The following NPAS3 variants were observed in gnomAD, a reference collection of about 807,000 sequenced individuals.
NPAS3 encodes the protein neuronal PAS domain protein 3, also known as neuronal PAS domain-containing protein 3.
In NPAS3, 14 loss-of-function variants were observed where a neutral mutation model predicts 73.1. The observed-to-expected ratio is 0.19, with a 90% CI of 0.13 to 0.30. The LOEUF (loss-of-function observed/expected upper bound fraction) is 0.30, where lower values mean the gene tolerates loss of function less well. Among genes scored for constraint, NPAS3 ranks in the 10% least tolerant of loss-of-function variants. NPAS3 has a pLI of 1.00. For synonymous variants in NPAS3, 620 were observed against 541.5 expected (o/e 1.14, Z -2.01); for missense variants, 1,096 against 1,250.0 (o/e 0.88, Z 1.86).
chr14:33,103,264 C>T (rs898371100), intron 2 of NPAS3, among the ~76,000 whole-genome samples: 1 of 152,144 alleles, frequency 6.6e-6, no homozygotes, highest in East Asian at 1.9e-4. Flanking sequence ...CTTCTACTTT[C>T]CCAAGAGCTT....
rs1222862652 is a variant in NPAS3 at position 33,784,737 on chromosome 14, A to ATTT, written c.1153+6166_1153+6168dup. ...TATTGTTATTTTTATTTATTTATTT[A>ATTT]TTTATTTATTTTTTTTTTTTTTTTT... On this transcript the variant is annotated intron_variant, in intron 9 of 11. Coordinates refer to ENST00000356141, the Ensembl canonical transcript of NPAS3. Among the ~76,000 whole-genome samples the ATTT allele has an allele frequency of 4.5e-3, 356 of 79,888 alleles. 20 individuals carry two copies. The highest frequency in any genetic ancestry group is 5.8e-3 in the African/African-American group (87 of 15,098). The allele number at this position is 79,888 out of a possible 152,430, so 52.4% of individuals were successfully genotyped here. A position where few individuals can be genotyped will look rare whatever the true frequency, so the allele number is the denominator to read the frequency against.
intron 1 of NPAS3, among the ~76,000 whole-genome samples, chr14:33,004,985 C>T (rs2105071): frequency 0.83 from 126,242 of 151,738 alleles, 52,571 homozygotes; most frequent in Middle Eastern, 0.89. Flanking sequence ...TGCTTGGAGC[C>T]GTCATCTCCT....
intron 3 of NPAS3, among the ~76,000 whole-genome samples, chr14:33,294,404 T>A (rs576471591): frequency 6.6e-6 from 1 of 152,324 alleles, no homozygotes; most frequent in South Asian, 2.1e-4. Context: ...GAAATGTGAG[T>A]TCCTCAGGGC....
At chr14:33,124,338 A>G (rs1453552384) in intron 2 of NPAS3, among the ~76,000 whole-genome samples, 4 of 152,136 alleles carry the variant, frequency 2.6e-5, no homozygotes, top group Non-Finnish European at 4.4e-5. Context: ...GCGTAGCATA[A>G]CAGGTAAGGG....
At chr14:33,223,508 C>T (rs1196717234) in intron 3 of NPAS3, among the ~76,000 whole-genome samples, 1 of 152,132 alleles carries the variant, frequency 6.6e-6, no homozygotes, top group African/African-American at 2.4e-5. Flanking sequence ...GAAAATTAAA[C>T]ATACCATGTG....
intron 6 of NPAS3, among the ~76,000 whole-genome samples, chr14:33,706,215 T>A (rs1229167855): frequency 6.6e-6 from 1 of 152,244 alleles, no homozygotes; most frequent in Non-Finnish European, 1.5e-5. Context: ...GTAGGGGGTT[T>A]CTGTATGTAA....
chr14:33,652,995 C>T (rs1459932259), intron 5 of NPAS3, among the ~76,000 whole-genome samples: 3 of 152,110 alleles, frequency 2.0e-5, no homozygotes, highest in Non-Finnish European at 2.9e-5. Context: ...ATGGTCAGTC[C>T]GAGGAAGGAA....
Position 33,398,208 on chromosome 14 carries a change from C to T in NPAS3, c.468+30940C>T, listed in dbSNP as rs138562801. 2.0e-4 allele frequency among the ~76,000 whole-genome samples: 30 copies of T among 151,968 alleles called. 1 individual carries two copies. Among genetic ancestry groups the T allele is most frequent in the East Asian group, 1.9e-3 (10 of 5,160 alleles). On this transcript the variant is annotated intron_variant, in intron 4 of 11. Transcript: ENST00000356141. ...CTGCTTGGAGCAGAGTCTAATTTCC[C>T]GAAGATTAATAATATTAAAGAAAGT...
intron 5 of NPAS3, among the ~76,000 whole-genome samples, chr14:33,643,123 C>G (rs770662898): frequency 6.6e-6 from 1 of 152,034 alleles, no homozygotes; most frequent in Non-Finnish European, 1.5e-5. Context: ...TGACTAGGAA[C>G]TATTTTCTTT....
intron 3 of NPAS3, among the ~76,000 whole-genome samples, chr14:33,265,637 A>G (rs12432085): frequency 0.58 from 87,561 of 151,950 alleles, 25,651 homozygotes; most frequent in South Asian, 0.73. Context: ...ATTTTTCTAT[A>G]CTTGAGAAAA....
chr14:33,237,059 G>T (rs1196399632), intron 3 of NPAS3, among the ~76,000 whole-genome samples: 1 of 152,032 alleles, frequency 6.6e-6, no homozygotes, highest in African/African-American at 2.4e-5. Flanking sequence ...AATATATTAT[G>T]ATTAAGTCTT....
chr14:33,355,743 A>G (rs1594758709), intron 3 of NPAS3, among the ~76,000 whole-genome samples: 1 of 152,006 alleles, frequency 6.6e-6, no homozygotes, highest in Non-Finnish European at 1.5e-5. Context: ...CCTGGACATC[A>G]TGTCCCTCCT....
intron 3 of NPAS3, among the ~76,000 whole-genome samples, chr14:33,316,078 A>G (rs908197536): frequency 1.3e-5 from 2 of 152,104 alleles, no homozygotes; most frequent in East Asian, 3.9e-4. Context: ...TTTATACATT[A>G]AAGCTTAAAT....
intron 3 of NPAS3, among the ~76,000 whole-genome samples, chr14:33,280,641 G>T (rs974296986): frequency 1.3e-5 from 2 of 152,186 alleles, no homozygotes; most frequent in Non-Finnish European, 2.9e-5. Context: ...AAGTGTTAAG[G>T]AAGTACAAAG....
chr14:33,018,806 C>G (rs1479597661), intron 1 of NPAS3, among the ~76,000 whole-genome samples: 2 of 151,930 alleles, frequency 1.3e-5, no homozygotes, highest in African/African-American at 4.8e-5. Flanking sequence ...CATTTCTTCC[C>G]TTATTGAAGG....
intron 3 of NPAS3, among the ~76,000 whole-genome samples, chr14:33,258,180 T>A (rs1161327741): frequency 3.9e-5 from 6 of 152,164 alleles, no homozygotes; most frequent in Admixed American, 2.6e-4. Context: ...GCAAATCATT[T>A]GAGGTCAGGA....
At chr14:33,541,747 A>G (rs530885682) in intron 4 of NPAS3, among the ~76,000 whole-genome samples, 7 of 152,304 alleles carry the variant, frequency 4.6e-5, no homozygotes, top group African/African-American at 1.7e-4. Flanking sequence ...TGCTTGGTCC[A>G]TAAGACCCTC....
chr14:33,410,502 T>G (rs28647863), intron 4 of NPAS3, among the ~76,000 whole-genome samples: 1,969 of 152,314 alleles, frequency 0.013, 37 homozygotes, highest in African/African-American at 0.044. Flanking sequence ...GCTGTTGTTA[T>G]TTCAATCAAT....
chr14:33,767,817 A>G (rs1178560244), intron 7 of NPAS3, among the ~76,000 whole-genome samples: 1 of 152,152 alleles, frequency 6.6e-6, no homozygotes, highest in Non-Finnish European at 1.5e-5. Context: ...TCTTTCCTCA[A>G]GTATTGACAG....
Sources: allele counts gnomAD v4.1 joint callset (sites outside exome capture counted in the v4.1 genomes callset), GRCh38; gene constraint gnomAD v4.1.1; transcripts MANE v1.5; gene names NCBI Gene and HGNC (gene_info 2026-07-23, HGNC 2026-07-21).